The following CPT1C variants were observed in gnomAD, a reference collection of about 807,000 sequenced individuals.
CPT1C encodes palmitoyl thioesterase CPT1C.
CPT1C carries 61 observed loss-of-function variants against 97.3 expected under a neutral mutation model. That is an observed-to-expected ratio of 0.63 (90% confidence interval 0.51 to 0.78). CPT1C has a LOEUF of 0.78. Ranked by LOEUF, CPT1C falls within the 30% of genes least tolerant of loss-of-function variation. CPT1C has a pLI of 0.00. For missense variants in CPT1C, 975 were observed against 1,065.5 expected (o/e 0.92, Z 1.18); for synonymous variants, 469 against 447.2 (o/e 1.05, Z -0.61).
intron 3 of CPT1C, among the ~76,000 whole-genome samples, chr19:49,693,817 G>C (rs2123106155): frequency 6.6e-6 from 1 of 152,216 alleles, no homozygotes; most frequent in South Asian, 2.1e-4. Context: ...CCAACACTTT[G>C]GGAGGCTGAG....
chr19:49,711,727 G>A (rs1048048559), intron 16 of CPT1C, 82 bp from the exon 17 acceptor site: 3 of 1,446,536 alleles, frequency 2.1e-6, no homozygotes, highest in East Asian at 2.3e-5. Context: ...GGCAAACTCA[G>A]TTGAGGCCAG....
intron 18 of CPT1C, 61 bp downstream of exon 18, chr19:49,712,910 C>T: frequency 6.3e-7 from 1 of 1,594,690 alleles, no homozygotes; most frequent in Non-Finnish European, 8.6e-7. Flanking sequence ...GCCTGCACTC[C>T]TGCATAGTGG....
At chr19:49,703,346 A>G (rs1335662532) in intron 7 of CPT1C, among the ~76,000 whole-genome samples, 1 of 142,020 alleles carries the variant, frequency 7.0e-6, no homozygotes, top group Non-Finnish European at 1.5e-5. Flanking sequence ...TACCTGGCTA[A>G]TTTCTTTTTT....
chr19:49,711,994 G>A, intron 17 of CPT1C, 33 bp downstream of exon 17: 1 of 1,601,862 alleles, frequency 6.2e-7, no homozygotes, highest in Non-Finnish European at 8.5e-7. Context: ...AGAGAGGGAA[G>A]TGGGAGACCA....
At chr19:49,693,913 A>G in intron 3 of CPT1C, among the ~76,000 whole-genome samples, 1 of 151,902 alleles carries the variant, frequency 6.6e-6, no homozygotes. Flanking sequence ...ACACACACAC[A>G]AATTAGCCTG....
At position 49,710,476 on chromosome 19, in the gene CPT1C, C is replaced by T. The variant is rs761490646; in HGVS notation, c.1723C>T (p.His575Tyr). The change falls in exon 15 of 20, where the codon CAC (histidine) becomes TAC (tyrosine). Residue 575 changes from histidine (H) to tyrosine (Y), a missense_variant. Physicochemically the swap from His to Tyr is moderately conservative, Grantham distance 83. Around this residue, in one of 3 missense-constraint regions of CPT1C, gnomAD observed 344 missense variants for 395.7 expected, o/e 0.87. Coordinates refer to ENST00000598293, the MANE Select transcript of CPT1C (RefSeq NM_001199753.2). ...SFIQIALQLA[H>Y]FRDRGQFCLT... Reference sequence around the variant, plus strand: ...CATCCAGATCGCCTTGCAACTGGCCCACTTCCGGGTCAGTTGGGTTCCCCA... The same window carrying T: ...CATCCAGATCGCCTTGCAACTGGCCTACTTCCGGGTCAGTTGGGTTCCCCA... 9 of 1,614,082 alleles carry T rather than the reference C, an allele frequency of 5.6e-6. No individual in the cohort carries two copies. In the Admixed American group the frequency reaches 8.3e-5, roughly 15 times the overall value.
chr19:49,703,591 CCCTCCCTTCCTT>C (rs1484080481), intron 7 of CPT1C, among the ~76,000 whole-genome samples: 1 of 68,352 alleles, frequency 1.5e-5, no homozygotes, highest in Non-Finnish European at 3.0e-5. Context: ...CTCCCTCCCT[CCCTCCCTTCCTT>C]CCTTCCTTCC....
chr19:49,704,476 T>G (rs2083388083), intron 7 of CPT1C, among the ~76,000 whole-genome samples: 1 of 152,198 alleles, frequency 6.6e-6, no homozygotes, highest in Non-Finnish European at 1.5e-5. Context: ...CAGCTGTACC[T>G]TGTTATTTCC....
intron 10 of CPT1C, 85 bp from the exon 11 acceptor site, chr19:49,705,824 A>G (rs1314733376): frequency 4.0e-6 from 5 of 1,246,848 alleles, no homozygotes; most frequent in Non-Finnish European, 5.6e-6. Context: ...ACAACTGACG[A>G]CACCTAAGAA....
intron 3 of CPT1C, among the ~76,000 whole-genome samples, chr19:49,693,613 C>G (rs934986896): frequency 7.9e-5 from 12 of 152,138 alleles, no homozygotes; most frequent in African/African-American, 2.7e-4. Flanking sequence ...GCATGGAGAA[C>G]ACAGCAGATA....
At chr19:49,708,002 C>CAAAAAAAAAAAAAAAAAAAAAA (rs60276067) in intron 13 of CPT1C, among the ~76,000 whole-genome samples, 1 of 56,784 alleles carries the variant, frequency 1.8e-5, no homozygotes, top group Admixed American at 2.2e-4. Context: ...GAATACATCT[C>CAAAAAAAAAAAAAAAAAAAAAA]AAAAAAAAAA....
chr19:49,697,166 C>G (rs1290462102), intron 3 of CPT1C, among the ~76,000 whole-genome samples, 160 bp from the exon 4 acceptor site: 1 of 152,182 alleles, frequency 6.6e-6, no homozygotes, highest in African/African-American at 2.4e-5. Context: ...CTGGTCTGAC[C>G]TCGCTGAGGG....
intron 7 of CPT1C, among the ~76,000 whole-genome samples, chr19:49,703,070 T>TAC (rs72113209): frequency 0.042 from 6,053 of 144,252 alleles, 126 homozygotes; most frequent in South Asian, 0.051. Flanking sequence ...AGATTCTGTT[T>TAC]ACACACACAC....
At chr19:49,712,687 CG>C in intron 17 of CPT1C, 48 bp from the exon 18 acceptor site, 1 of 1,400,704 alleles carries the variant, frequency 7.1e-7, no homozygotes, top group Non-Finnish European at 1.0e-6. Flanking sequence ...AGCCAAGGGC[CG>C]GAACTGCAGA....
At chr19:49,703,989 A>G (rs2083359112) in intron 7 of CPT1C, among the ~76,000 whole-genome samples, 1 of 151,922 alleles carries the variant, frequency 6.6e-6, no homozygotes, top group Non-Finnish European at 1.5e-5. Context: ...CCATTTTTTT[A>G]TGTACAACAA....
intron 4 of CPT1C, among the ~76,000 whole-genome samples, chr19:49,700,027 CA>C: frequency 6.6e-6 from 1 of 151,330 alleles, no homozygotes; most frequent in African/African-American, 2.4e-5. Flanking sequence ...GCAGGCGGAT[CA>C]CGAGGTCAGG....
At chr19:49,698,518 C>T (rs2082799890) in intron 4 of CPT1C, among the ~76,000 whole-genome samples, 1 of 151,718 alleles carries the variant, frequency 6.6e-6, no homozygotes, top group African/African-American at 2.4e-5. Context: ...CAAAAATTAG[C>T]CGGGTGTGGT....
At position 49,692,327 on chromosome 19, in the gene CPT1C, C is replaced by T. The variant is rs2082401327; in HGVS notation, c.75C>T (p.Ala25=). 2.5e-6 allele frequency: 4 copies of T among 1,613,964 alleles called. No individual in the cohort carries two copies. Among genetic ancestry groups the T allele is most frequent in the African/African-American group, 1.3e-5 (1 of 74,882 alleles). The change falls in exon 3 of 20, where the codon GCC becomes GCT. Residue 25 remains alanine (A), a synonymous_variant. Coordinates refer to ENST00000598293, the MANE Select transcript of CPT1C (RefSeq NM_001199753.2). Reference sequence around the variant, plus strand: ...ACGGGGCTGAAGTGGAACTCAGTGCCCCTGTGCTGCAGGAGATCTACCTCT... The same window carrying T: ...ACGGGGCTGAAGTGGAACTCAGTGCTCCTGTGCTGCAGGAGATCTACCTCT... ...TSDGAEVELS[A]PVLQEIYLSG...
At position 49,713,456 on chromosome 19, in the gene CPT1C, C is replaced by T. The variant is rs1380073064; in HGVS notation, c.2263C>T (p.Leu755=). The T allele has an allele frequency of 3.1e-6, 5 of 1,614,136 alleles. No individual in the cohort carries two copies. Among genetic ancestry groups the T allele is most frequent in the East Asian group, 2.2e-5 (1 of 44,884 alleles). ...GCTGGGGCAGCACATTGAGGACGCA[C>T]TGCTGGATGTGGCCTCCCTGTTCCA... The part of the protein sequence containing the change: ...HRLGQHIEDA[L]LDVASLFQAG... Residue 755 remains leucine (L), a synonymous_variant, in exon 20 of 20, where the codon CTG becomes TTG. Transcript: ENST00000598293.
Sources: gnomAD v4.1 joint callset for allele counts (sites outside exome capture counted in the v4.1 genomes callset) on GRCh38, gnomAD v4.1.1 for gene constraint, gnomAD v4.1.1 regional missense constraint, MANE v1.5 for transcripts, NCBI Gene and HGNC (gene_info 2026-07-23, HGNC 2026-07-21) for gene names.